NEIL3: variants seen among roughly 807,000 people sequenced by gnomAD.
NEIL3 encodes nei like DNA glycosylase 3.
A neutral mutation model predicts 57.5 loss-of-function variants in NEIL3; 48 were observed. That is an observed-to-expected ratio of 0.83 (90% confidence interval 0.66 to 1.06). NEIL3 has a LOEUF of 1.06. Among genes scored for constraint, NEIL3 ranks in the 50% least tolerant of loss-of-function variants. The probability of loss-of-function intolerance (pLI) is 0.00; values close to 1 mark genes in which losing one functional copy is unlikely to be tolerated. For missense variants in NEIL3, 717 were observed against 739.1 expected, an observed-to-expected ratio of 0.97 and a Z score of 0.35; for synonymous variants, 261 against 253.2, an observed-to-expected ratio of 1.03 and a Z score of -0.29.
At chr4:177,336,599 T>G (rs1462099997) in intron 4 of NEIL3, among the ~76,000 whole-genome samples, 1 of 152,172 alleles carries the variant, frequency 6.6e-6, no homozygotes, top group Non-Finnish European at 1.5e-5. Context: ...AGGTATCCCT[T>G]TCAAACATAA....
chr4:177,325,054 A>T (rs772734715), intron 2 of NEIL3, among the ~76,000 whole-genome samples: 11 of 152,104 alleles, frequency 7.2e-5, no homozygotes, highest in Admixed American at 2.6e-4. Flanking sequence ...CTGGCTTTTG[A>T]AGTTATATGT....
At chr4:177,363,911 G>A (rs907757911), downstream of NEIL3, among the ~76,000 whole-genome samples, 5 of 151,948 alleles carry the variant, frequency 3.3e-5, no homozygotes, top group Non-Finnish European at 7.4e-5. Flanking sequence ...CCAGCACGCC[G>A]GGCTAATTTT....
intron 1 of NEIL3, among the ~76,000 whole-genome samples, chr4:177,314,334 T>C (rs1734530280): frequency 6.6e-6 from 1 of 152,210 alleles, no homozygotes; most frequent in South Asian, 2.1e-4. Flanking sequence ...GATGAACATA[T>C]TCGGCATGCT....
At chr4:177,311,914 G>T (rs1734483713) in intron 1 of NEIL3, among the ~76,000 whole-genome samples, 1 of 152,080 alleles carries the variant, frequency 6.6e-6, no homozygotes, top group South Asian at 2.1e-4. Context: ...TATACTTAGG[G>T]ATATCATCAT....
chr4:177,334,142 T>TA (rs33982057), intron 2 of NEIL3, among the ~76,000 whole-genome samples: 126 of 145,210 alleles, frequency 8.7e-4, no homozygotes, highest in East Asian at 3.8e-3. Context: ...TGTCCTGGTT[T>TA]AAAAAAAAAA....
chr4:177,370,732 C>G, the NEIL3 span, among the ~76,000 whole-genome samples: 1 of 152,076 alleles, frequency 6.6e-6, no homozygotes, highest in African/African-American at 2.4e-5. Context: ...AAAACCCCAT[C>G]TCTACTAAAA....
At chr4:177,341,451 A>AT in intron 5 of NEIL3, 25 bp from the exon 6 acceptor site, 2 of 1,539,380 alleles carry the variant, frequency 1.3e-6, no homozygotes, top group Non-Finnish European at 1.7e-6. Flanking sequence ...GGATAACAGA[A>AT]TTTTTTGGTT....
Position 177,362,446 on chromosome 4 carries a change from G to A in NEIL3, c.1793G>A (p.Gly598Glu), listed in dbSNP as rs1256651288. The A allele has an allele frequency of 1.2e-6, 2 of 1,612,466 alleles. No individual in the cohort carries two copies. The highest frequency in any genetic ancestry group is 2.7e-5 in the African/African-American group (2 of 74,770). The change falls in exon 10 of 10, where the codon GGA (glycine) becomes GAA (glutamate). Residue 598 changes from glycine to glutamate, a missense_variant. Transcript: ENST00000264596. Reference protein sequence around the residue: ...NFFQWAENGPGIKIIPGC With the variant: ...NFFQWAENGPEIKIIPGC ...TTCCAGTGGGCAGAAAATGGGCCAG[G>A]AATAAAAATTATTCCTGGATGCTAA...
intron 1 of NEIL3, among the ~76,000 whole-genome samples, chr4:177,312,840 G>C (rs1471765801): frequency 1.3e-5 from 2 of 151,786 alleles, no homozygotes; most frequent in African/African-American, 4.8e-5. Flanking sequence ...ATTTACTATG[G>C]CTTCATTTTC....
chr4:177,352,067 C>T (rs925140106), intron 7 of NEIL3, among the ~76,000 whole-genome samples: 1 of 152,186 alleles, frequency 6.6e-6, no homozygotes, highest in Non-Finnish European at 1.5e-5. Context: ...TTATAGCTCA[C>T]GATTTCATGC....
rs1212166270 is a variant in NEIL3, at chr4:177,353,684, C to A, written c.1416C>A (p.Tyr472Ter). The change falls in exon 8 of 10, where the codon TAC becomes TAA. Residue 472 changes from tyrosine (Y) to a stop codon, truncating the protein, a stop_gained. Coordinates refer to ENST00000264596, the MANE Select transcript of NEIL3 (RefSeq NM_018248.3). LOFTEE classifies it high-confidence loss of function. ...ATAAAAAACCGAAAACAGCCCAATA[C>A]TCATCACCAGAGCTTAAAAGCTGCA... ...PAHKKPKTAQ[Y>*]SSPELKSCNP... The A allele has an allele frequency of 6.2e-7, 1 of 1,613,562 alleles. No homozygotes were observed. The highest frequency in any genetic ancestry group is 1.7e-5 in the Admixed American group (1 of 59,920).
downstream of NEIL3, among the ~76,000 whole-genome samples, chr4:177,366,041 CTA>C (rs1383641504): frequency 6.6e-6 from 1 of 152,140 alleles, no homozygotes; most frequent in Non-Finnish European, 1.5e-5. Flanking sequence ...GCTATTATAA[CTA>C]TGTTCATTGA....
rs1004873466 is a variant in NEIL3, at chr4:177,322,590, G to GCCTGTA, written c.278+12_278+17dup. On this transcript the variant is annotated intron_variant, in intron 2 of 9. Transcript: ENST00000264596. ...GACCAAAAGCTTTACGGTAAGATAA[G>GCCTGTA]CCTGTACGATACATCTTATCTCTCT... 1 of 1,613,700 alleles carries GCCTGTA rather than the reference G, an allele frequency of 6.2e-7. No homozygotes were observed. The highest frequency in any genetic ancestry group is 1.7e-5 in the Admixed American group (1 of 60,020).
At chr4:177,331,661 C>G (rs535555960) in intron 2 of NEIL3, among the ~76,000 whole-genome samples, 1 of 151,752 alleles carries the variant, frequency 6.6e-6, no homozygotes, top group Non-Finnish European at 1.5e-5. Context: ...TTTTTTGAAT[C>G]CTAGACATTG....
intron 1 of NEIL3, among the ~76,000 whole-genome samples, chr4:177,315,388 C>G (rs773526375): frequency 1.1e-4 from 17 of 152,108 alleles, no homozygotes; most frequent in Non-Finnish European, 1.9e-4. Flanking sequence ...CTCAATCATA[C>G]CTAAACTTGT....
intron 3 of NEIL3, 89 bp downstream of exon 3, chr4:177,335,911 T>A: frequency 7.8e-7 from 1 of 1,279,594 alleles, no homozygotes; most frequent in Non-Finnish European, 1.1e-6. Flanking sequence ...AACAAATAAA[T>A]AAAGAGTTTG....
At chr4:177,354,678 C>G (rs542269018) in intron 8 of NEIL3, among the ~76,000 whole-genome samples, 1 of 152,048 alleles carries the variant, frequency 6.6e-6, no homozygotes, top group Non-Finnish European at 1.5e-5. Flanking sequence ...GATGGGGTTT[C>G]GCCATGTTGG....
At chr4:177,322,373 T>C (rs1734701547) in intron 1 of NEIL3, 86 bp from the exon 2 acceptor site, 21 of 1,564,982 alleles carry the variant, frequency 1.3e-5, no homozygotes, top group Non-Finnish European at 1.8e-5. Context: ...CGTGAAGTAA[T>C]ATAAACACAT....
chr4:177,362,264 G>C, intron 9 of NEIL3, 25 bp from the exon 10 acceptor site: 1 of 1,580,340 alleles, frequency 6.3e-7, no homozygotes, highest in Non-Finnish European at 8.6e-7. Flanking sequence ...GTATAAACTT[G>C]TAAATTTACC....
Sources: allele counts gnomAD v4.1 joint callset (sites outside exome capture counted in the v4.1 genomes callset), GRCh38; gene constraint gnomAD v4.1.1; transcripts MANE v1.5; gene names NCBI Gene and HGNC (gene_info 2026-07-23, HGNC 2026-07-21).